Variants in ZNF480 observed in about 807,000 individuals in gnomAD.
ZNF480 encodes the protein zinc finger protein 480.
ZNF480 carries 15 observed loss-of-function variants against 14.4 expected under a neutral mutation model. The observed-to-expected ratio is 1.04, with a 90% CI of 0.70 to 1.60. The LOEUF is 1.60. ZNF480 is among the 40% of genes most tolerant of loss of function. The pLI is 0.00. For missense variants in ZNF480, 593 were observed against 629.7 expected (o/e 0.94, Z 0.62); for synonymous variants, 218 against 215.5 (o/e 1.01, Z -0.10).
chr19:52,300,289 G>A, intron 1 of ZNF480, 105 bp from the exon 2 acceptor site: 1 of 1,221,756 alleles, frequency 8.2e-7, no homozygotes, highest in Middle Eastern at 1.9e-4. Flanking sequence ...GTGGGCAGCA[G>A]AGGACATCTT....
chr19:52,310,594 T>C (rs1369717485), intron 2 of ZNF480, among the ~76,000 whole-genome samples: 2 of 152,054 alleles, frequency 1.3e-5, no homozygotes, highest in African/African-American at 4.8e-5. Context: ...ATGTCTGCCA[T>C]GTTTACTGCT....
intron 2 of ZNF480, among the ~76,000 whole-genome samples, chr19:52,311,478 A>G (rs1381929484): frequency 6.6e-6 from 1 of 152,072 alleles, no homozygotes; most frequent in East Asian, 1.9e-4. Flanking sequence ...TGCCCAGCCT[A>G]CATTTATATT....
chr19:52,323,117 G>T lies in ZNF480; in HGVS notation c.*259G>T. ...AAAAAACACAATCAGAAATGACAAA[G>T]GGGACATTACCACCAACCCCACAGA... On this transcript the variant is annotated 3_prime_UTR_variant, in exon 5 of 5. Transcript: ENST00000595962. 1 of 331,256 alleles carries T rather than the reference G, an allele frequency of 3.0e-6. No individual in the cohort carries two copies. The highest frequency in any genetic ancestry group is 5.5e-6 in the Non-Finnish European group (1 of 182,804). 20.5% of individuals were successfully genotyped at this position (331,256 alleles called of 1,614,324 possible).
intron 1 of ZNF480, among the ~76,000 whole-genome samples, chr19:52,299,543 C>T (rs1982583603): frequency 6.6e-6 from 1 of 152,146 alleles, no homozygotes; most frequent in South Asian, 2.1e-4. Context: ...AATTTGTTAG[C>T]CTCATTCACA....
intron 1 of ZNF480, chr19:52,297,694 C>CG (rs1982475435): frequency 6.4e-6 from 1 of 155,132 alleles, no homozygotes; most frequent in South Asian, 1.6e-4. Flanking sequence ...CTCCTTGATA[C>CG]GGGGCCCCGC....
chr19:52,311,655 T>C (rs1183019275), intron 2 of ZNF480, among the ~76,000 whole-genome samples: 2 of 152,148 alleles, frequency 1.3e-5, no homozygotes, highest in South Asian at 4.1e-4. Context: ...AAAATAACAA[T>C]GACAGGTGGG....
At chr19:52,308,857 T>C (rs1310813459) in intron 2 of ZNF480, 1 of 151,972 alleles carries the variant, frequency 6.6e-6, no homozygotes, top group Non-Finnish European at 1.5e-5. Flanking sequence ...ATTATTATTA[T>C]CATTTTTTCA....
At position 52,321,621 on chromosome 19, in the gene ZNF480, T is replaced by C; in HGVS notation, c.371T>C (p.Ile124Thr). Residue 124 changes from isoleucine (I) to threonine (T), a missense_variant, in exon 5 of 5, where the codon ATT becomes ACT. Ile to Thr is a moderately conservative substitution (Grantham distance 89). Transcript: ENST00000595962. ...GGAAGCAATGCAGAAGACAAACCAATTAAAAAACAACTTGGAGTATCCTTT... is the reference window on the plus strand; with the variant it reads ...GGAAGCAATGCAGAAGACAAACCAACTAAAAAACAACTTGGAGTATCCTTT... ...ALGSNAEDKP[I>T]KKQLGVSFHL... 6.2e-7 allele frequency: 1 copy of C among 1,607,820 alleles called. No homozygotes were observed. The highest frequency in any genetic ancestry group is 8.5e-7 in the Non-Finnish European group (1 of 1,176,282).
Position 52,322,858 on chromosome 19 carries a change from G to A in ZNF480, c.1608G>A (p.Ter536=). 6.4e-7 allele frequency: 1 copy of A among 1,558,956 alleles called. No homozygotes were observed. Among genetic ancestry groups the A allele is most frequent in the Non-Finnish European group, 8.7e-7 (1 of 1,150,004 alleles). The change falls in exon 5 of 5, where the codon TAG becomes TAA. Residue 536 remains the stop codon, a stop_retained_variant. Transcript: ENST00000595962. The part of the protein sequence containing the change: ...LAQHWTIHMG[*] ...AACATTGGACAATTCATATGGGATA[G>A]AAACTACAAATGCAACAAATGCGTC...
intron 3 of ZNF480, among the ~76,000 whole-genome samples, chr19:52,315,541 G>A (rs765893876): frequency 2.0e-5 from 3 of 150,064 alleles, no homozygotes; most frequent in Admixed American, 2.0e-4. Flanking sequence ...GGCTGATCTC[G>A]AACTCCCGAC....
Position 52,322,401 on chromosome 19 carries a change from C to T in ZNF480, c.1151C>T (p.Ser384Leu), listed in dbSNP as rs1033188693. The change falls in exon 5 of 5, where the codon TCG becomes TTG. Residue 384 changes from serine to leucine, a missense_variant. Coordinates refer to ENST00000595962, the MANE Select transcript of ZNF480 (RefSeq NM_144684.4). ...TGTGGAAAGGTCTTTATTCAAAATT[C>T]GCACCTAGCACAACATTGGAGAATT... ...NECGKVFIQN[S>L]HLAQHWRIHT... 38 of 1,613,760 alleles carry T rather than the reference C, an allele frequency of 2.4e-5. No homozygotes were observed. Among genetic ancestry groups the T allele is most frequent in the Middle Eastern group, 1.6e-4 (1 of 6,084 alleles).
intron 3 of ZNF480, among the ~76,000 whole-genome samples, chr19:52,314,815 C>G (rs1469668558): frequency 7.6e-6 from 1 of 132,168 alleles, no homozygotes; most frequent in Admixed American, 7.5e-5. Context: ...ATTAAAAAAA[C>G]AAACAAACAA....
Position 52,321,847 on chromosome 19 carries a change from A to G in ZNF480, c.597A>G (p.Arg199=). The change falls in exon 5 of 5, where the codon AGA becomes AGG. Residue 199 remains arginine, a synonymous_variant. Transcript: ENST00000595962. ...FLPQEQKVHL[R]EKPYECNEHS... is the part of the protein sequence containing the mutation. Reference sequence around the variant, plus strand: ...CACAAGAACAGAAAGTACACCTTAGAGAAAAACCTTATGAATGTAATGAGC... The same window carrying G: ...CACAAGAACAGAAAGTACACCTTAGGGAAAAACCTTATGAATGTAATGAGC... 1 of 1,614,148 alleles carries G rather than the reference A, an allele frequency of 6.2e-7. No individual in the cohort carries two copies. The highest frequency in any genetic ancestry group is 8.5e-7 in the Non-Finnish European group (1 of 1,179,998).
chr19:52,319,824 T>TG (rs57328100), intron 4 of ZNF480, among the ~76,000 whole-genome samples: 67,663 of 139,054 alleles, frequency 0.49, 16,720 homozygotes, highest in Non-Finnish European at 0.56. Flanking sequence ...TTTTTTTTTT[T>TG]TTTTTTTTTT....
At chr19:52,320,482 G>A (rs1379988742) in intron 4 of ZNF480, among the ~76,000 whole-genome samples, 1 of 152,074 alleles carries the variant, frequency 6.6e-6, no homozygotes, top group Non-Finnish European at 1.5e-5. Flanking sequence ...ACGAGCCCTT[G>A]TCTCTAAAAG....
At position 52,321,795 on chromosome 19, in the gene ZNF480, A is replaced by G. The variant is rs1427027976; in HGVS notation, c.545A>G (p.Asn182Ser). 1 of 1,613,748 alleles carries G rather than the reference A, an allele frequency of 6.2e-7. No homozygotes were observed. The highest frequency in any genetic ancestry group is 1.7e-5 in the Admixed American group (1 of 59,966). ...SSVKTPIFNR[N>S]DFDDSSFLPQ... ...GTCAAAACCCCCATTTTTAATAGGA[A>G]TGATTTTGATGATTCTTCATTTCTC... Residue 182 changes from asparagine to serine, a missense_variant, in exon 5 of 5, where the codon AAT (asparagine) becomes AGT (serine). Coordinates refer to ENST00000595962, the MANE Select transcript of ZNF480 (RefSeq NM_144684.4).
rs1311187923 is a variant in ZNF480 at position 52,323,337 on chromosome 19, A to G, written c.*479A>G. 1 of 152,256 alleles carries G rather than the reference A, an allele frequency of 6.6e-6. No individual in the cohort carries two copies. The highest frequency in any genetic ancestry group is 1.5e-5 in the Non-Finnish European group (1 of 68,256). The allele number at this position is 152,256 out of a possible 1,614,324, so 9.4% of individuals were successfully genotyped here. On this transcript the variant is annotated 3_prime_UTR_variant, in exon 5 of 5. Transcript: ENST00000595962. ...AAAAATCTATCAAACAAAACTCTGGACCAGACAGATTTATAGTTGAAGCCT... is the reference window on the plus strand; with the variant it reads ...AAAAATCTATCAAACAAAACTCTGGGCCAGACAGATTTATAGTTGAAGCCT...
At chr19:52,312,408 C>T (rs1169238112) in intron 2 of ZNF480, among the ~76,000 whole-genome samples, 2 of 152,204 alleles carry the variant, frequency 1.3e-5, no homozygotes, top group African/African-American at 4.8e-5. Flanking sequence ...GATCCACCCG[C>T]CTTGACCTCC....
At chr19:52,299,525 ATTTTAT>A (rs1374207402) in intron 1 of ZNF480, among the ~76,000 whole-genome samples, 1 of 152,180 alleles carries the variant, frequency 6.6e-6, no homozygotes, top group Non-Finnish European at 1.5e-5. Context: ...CTTTGCTCAG[ATTTTAT>A]TAATTTGTTA....
Sources: gnomAD v4.1 joint callset for allele counts (sites outside exome capture counted in the v4.1 genomes callset) on GRCh38, gnomAD v4.1.1 for gene constraint, MANE v1.5 for transcripts, NCBI Gene and HGNC (gene_info 2026-07-23, HGNC 2026-07-21) for gene names.